TRPM3: variants seen among roughly 807,000 people sequenced by gnomAD.
TRPM3 encodes the protein long transient receptor potential channel 3.
In TRPM3, 77 loss-of-function variants were observed where a neutral mutation model predicts 181.2. The ratio of observed to expected loss-of-function variants is 0.42; its 90% CI spans 0.35 to 0.51. TRPM3 has a LOEUF of 0.51. Ranked by LOEUF, TRPM3 falls within the 20% of genes least tolerant of loss-of-function variation. The probability of loss-of-function intolerance (pLI) is 0.01; values close to 1 mark genes in which losing one functional copy is unlikely to be tolerated. For missense variants in TRPM3, 1,759 were observed against 2,196.7 expected (o/e 0.80, Z 3.98); for synonymous variants, 745 against 796.4 (o/e 0.94, Z 1.09).
chr9:70,650,714 C>T (rs1236741751), intron 9 of TRPM3, among the ~76,000 whole-genome samples: 10 of 151,842 alleles, frequency 6.6e-5, no homozygotes, highest in Non-Finnish European at 8.8e-5. Context: ...CATTTTTGTT[C>T]GCATTTCTAT....
Position 70,621,285 on chromosome 9 carries a change from A to T in TRPM3, c.1810-12T>A. 6.3e-7 allele frequency: 1 copy of T among 1,599,738 alleles called. No individual in the cohort carries two copies. Among genetic ancestry groups the T allele is most frequent in the Non-Finnish European group, 8.5e-7 (1 of 1,172,518 alleles). On this transcript the variant is annotated splice_polypyrimidine_tract_variant and intron_variant, in intron 14 of 25. Coordinates refer to ENST00000677713, the MANE Select transcript of TRPM3 (RefSeq NM_001366145.2). Reference sequence around the variant, plus strand: ...TTCAAGGCTTTGGGCTGTTAAAAAAAACGTTGTGAACAAAGTTAGATCAGT... The same window carrying T: ...TTCAAGGCTTTGGGCTGTTAAAAAATACGTTGTGAACAAAGTTAGATCAGT...
chr9:71,019,005 C>T (rs912420514), intron 1 of TRPM3, among the ~76,000 whole-genome samples: 1 of 151,742 alleles, frequency 6.6e-6, no homozygotes, highest in African/African-American at 2.4e-5. Flanking sequence ...TATTAATTCA[C>T]CACATTAACT....
chr9:71,380,126 T>C (rs992712802), intron 1 of TRPM3, among the ~76,000 whole-genome samples: 2 of 152,038 alleles, frequency 1.3e-5, no homozygotes, highest in African/African-American at 4.8e-5. Context: ...TTCTCAGCAT[T>C]AGAAGGGACC....
intron 1 of TRPM3, among the ~76,000 whole-genome samples, chr9:71,127,292 A>AACACACACACACACACACACACACACAC (rs60199233): frequency 0.062 from 8,855 of 143,412 alleles, 379 homozygotes; most frequent in East Asian, 0.12. Context: ...AGCTGACCAA[A>AACACACACACACACACACACACACACAC]ACACACACAC....
At chr9:71,388,736 TCAA>T (rs1252139241) in intron 1 of TRPM3, among the ~76,000 whole-genome samples, 2 of 152,036 alleles carry the variant, frequency 1.3e-5, no homozygotes, top group South Asian at 2.1e-4. Flanking sequence ...CACTTAAAAC[TCAA>T]CAACAACAAA....
intron 1 of TRPM3, among the ~76,000 whole-genome samples, chr9:70,989,032 C>T (rs560365800): frequency 2.0e-4 from 31 of 152,296 alleles, no homozygotes; most frequent in African/African-American, 7.0e-4. Flanking sequence ...CTGAGCAGAA[C>T]CCAATCATGC....
chr9:71,250,616 C>T (rs1321654225), intron 1 of TRPM3, among the ~76,000 whole-genome samples: 2 of 152,104 alleles, frequency 1.3e-5, no homozygotes, highest in African/African-American at 4.8e-5. Flanking sequence ...GATAAGGATT[C>T]CTAGTCTCAA....
intron 1 of TRPM3, among the ~76,000 whole-genome samples, chr9:71,331,337 A>T (rs2132534595): frequency 6.6e-6 from 1 of 151,966 alleles, no homozygotes; most frequent in South Asian, 2.1e-4. Context: ...AACTAGCCAC[A>T]CATTAATTTT....
intron 22 of TRPM3, among the ~76,000 whole-genome samples, chr9:70,578,172 G>A (rs1251941612): frequency 1.3e-5 from 2 of 152,026 alleles, no homozygotes; most frequent in Non-Finnish European, 2.9e-5. Context: ...ATCATGGGGG[G>A]TTTGATTCCC....
rs2060298564 is a variant in TRPM3 at position 71,053,502 on chromosome 9, T to C, written c.177+67676A>G. ...CAGAAAAGCAGTGGCAGAGAATGAG[T>C]GTCAACCCGCTCAATGTGTATGAAA... On this transcript the variant is annotated intron_variant, in intron 1 of 25. Transcript: ENST00000677713. Among the ~76,000 whole-genome samples the C allele has an allele frequency of 2.6e-5, 4 of 152,164 alleles. No individual in the cohort carries two copies. In the South Asian group the frequency reaches 8.3e-4, roughly 32 times the overall value.
At chr9:71,129,332 G>A (rs2074235448) in intron 1 of TRPM3, among the ~76,000 whole-genome samples, 1 of 152,160 alleles carries the variant, frequency 6.6e-6, no homozygotes, top group Non-Finnish European at 1.5e-5. Context: ...AAATCAGGGA[G>A]AAACAGATTT....
chr9:71,351,879 T>G (rs1194372591), intron 1 of TRPM3, among the ~76,000 whole-genome samples: 1 of 45,964 alleles, frequency 2.2e-5, no homozygotes, highest in Non-Finnish European at 5.1e-5. Context: ...TGTTTTTGTT[T>G]TTTTTTTTTT....
chr9:70,933,508 C>T (rs2096794995), intron 1 of TRPM3, among the ~76,000 whole-genome samples: 1 of 152,018 alleles, frequency 6.6e-6, no homozygotes, highest in African/African-American at 2.4e-5. Context: ...AAACATCCAG[C>T]AAGTTCAGTG....
intron 21 of TRPM3, among the ~76,000 whole-genome samples, chr9:70,592,658 CA>C (rs200666015): frequency 0.027 from 4,106 of 151,536 alleles, 191 homozygotes; most frequent in African/African-American, 0.093. Flanking sequence ...TGCCCATCCA[CA>C]AAAAAAAGCC....
intron 1 of TRPM3, among the ~76,000 whole-genome samples, chr9:70,880,498 A>G (rs2095969373): frequency 6.6e-6 from 1 of 152,054 alleles, no homozygotes; most frequent in South Asian, 2.1e-4. Flanking sequence ...AAAATTCTAT[A>G]TTTTCTATGT....
intron 9 of TRPM3, among the ~76,000 whole-genome samples, chr9:70,655,210 G>A (rs1214709843): frequency 6.9e-6 from 1 of 145,446 alleles, no homozygotes; most frequent in Non-Finnish European, 1.5e-5. Flanking sequence ...GGAGGCTGGG[G>A]CAGGAGAATC....
chr9:71,333,029 C>A (rs1334439012), intron 1 of TRPM3, among the ~76,000 whole-genome samples: 2 of 151,862 alleles, frequency 1.3e-5, no homozygotes, highest in African/African-American at 2.4e-5. Flanking sequence ...AAGTATAATA[C>A]TTGGACTCCA....
chr9:71,243,978 G>T (rs139958060), intron 1 of TRPM3, among the ~76,000 whole-genome samples: 58 of 152,292 alleles, frequency 3.8e-4, no homozygotes, highest in African/African-American at 1.2e-3. Context: ...GACATCAGGT[G>T]AACAGGCTGT....
At chr9:71,385,806 G>A (rs531641587) in intron 1 of TRPM3, among the ~76,000 whole-genome samples, 2 of 152,086 alleles carry the variant, frequency 1.3e-5, no homozygotes, top group African/African-American at 4.8e-5. Flanking sequence ...CCGGGTTCAA[G>A]GGATTCTTCC....
Sources: gnomAD v4.1 joint callset for allele counts (sites outside exome capture counted in the v4.1 genomes callset) on GRCh38, gnomAD v4.1.1 for gene constraint, MANE v1.5 for transcripts, NCBI Gene and HGNC (gene_info 2026-07-23, HGNC 2026-07-21) for gene names.